SH3BP4: variants seen among roughly 807,000 people sequenced by gnomAD.
SH3BP4 encodes the protein SH3 domain binding protein 4.
Under a neutral mutation model 65.5 loss-of-function variants are expected in SH3BP4, and 33 were observed. That is an observed-to-expected ratio of 0.50 (90% CI 0.38 to 0.67). The LOEUF (loss-of-function observed/expected upper bound fraction) is 0.67, where lower values mean the gene tolerates loss of function less well. Among genes scored for constraint, SH3BP4 ranks in the 30% least tolerant of loss-of-function variants. SH3BP4 has a pLI of 0.00. For missense variants in SH3BP4, 1,134 were observed against 1,261.4 expected (o/e 0.90, Z 1.53); for synonymous variants, 552 against 545.5 (o/e 1.01, Z -0.17).
At chr2:234,989,427 T>C (rs369411027) in intron 1 of SH3BP4, among the ~76,000 whole-genome samples, 1 of 152,246 alleles carries the variant, frequency 6.6e-6, no homozygotes, top group East Asian at 1.9e-4. Flanking sequence ...CTAGCTGGTC[T>C]CTTGGCAAAC....
intron 4 of SH3BP4, among the ~76,000 whole-genome samples, chr2:235,044,379 C>T (rs958327997): frequency 6.6e-6 from 1 of 152,268 alleles, no homozygotes; most frequent in Non-Finnish European, 1.5e-5. Context: ...GTCAGCAGAG[C>T]TGGGTCCTGG....
intron 4 of SH3BP4, among the ~76,000 whole-genome samples, chr2:235,049,231 G>T (rs1464070125): frequency 6.6e-6 from 1 of 152,184 alleles, no homozygotes; most frequent in African/African-American, 2.4e-5. Flanking sequence ...CTTCCCAGGG[G>T]CCAGAGAACA....
chr2:235,049,026 T>C (rs575586616), intron 4 of SH3BP4, among the ~76,000 whole-genome samples: 128 of 152,356 alleles, frequency 8.4e-4, no homozygotes, highest in African/African-American at 2.9e-3. Flanking sequence ...TTTAAAAATA[T>C]GCATCAGTTA....
chr2:235,024,292 C>G lies in SH3BP4; in HGVS notation c.-132-10579C>G, dbSNP rs73126103. On this transcript the variant is annotated intron_variant, in intron 2 of 5. Coordinates refer to ENST00000392011, the MANE Select transcript of SH3BP4 (RefSeq NM_014521.3). ...AAAGTCATCTCTCCTAAGCGACGCC[C>G]TGAGGGCCCATCCACAGTTTGCATG... Among the ~76,000 whole-genome samples, 486 of 152,340 alleles carry G rather than the reference C, an allele frequency of 3.2e-3. 1 individual carries two copies. Among genetic ancestry groups the G allele is most frequent in the Middle Eastern group, 0.02 (6 of 294 alleles).
intron 5 of SH3BP4, among the ~76,000 whole-genome samples, chr2:235,053,368 T>C (rs1350039857): frequency 6.6e-6 from 1 of 152,228 alleles, no homozygotes; most frequent in South Asian, 2.1e-4. Flanking sequence ...ATTCATTTGT[T>C]GCGCACCTAC....
rs531483080 is a variant in SH3BP4 at position 234,988,062 on chromosome 2, A to T, written c.-206-7241A>T. ...TTTAATGTCATTTAGCTTGCCAGCC[A>T]CATTTTTTTTTCTTTGAGTCAGAGT... is the stretch of plus-strand genomic sequence containing the variant. On this transcript the variant is annotated intron_variant, in intron 1 of 5. Coordinates refer to ENST00000392011, the MANE Select transcript of SH3BP4 (RefSeq NM_014521.3). Among the ~76,000 whole-genome samples, 137 of 152,116 alleles carry T rather than the reference A, an allele frequency of 9.0e-4. 1 individual carries two copies. Among genetic ancestry groups the T allele is most frequent in the Middle Eastern group, 3.4e-3 (1 of 294 alleles).
chr2:235,039,489 AAAAAG>A (rs928880288), intron 3 of SH3BP4, among the ~76,000 whole-genome samples: 35 of 152,150 alleles, frequency 2.3e-4, no homozygotes, highest in East Asian at 9.7e-4. Context: ...CTTAAAAAAA[AAAAAG>A]AAAGAAAGAA....
At position 235,035,998 on chromosome 2, in the gene SH3BP4, A is replaced by G. The variant is rs1428365926; in HGVS notation, c.118+878A>G. On this transcript the variant is annotated intron_variant, in intron 3 of 5. Transcript: ENST00000392011. This position sits in a 1 kb window ranked among gnomAD's most constrained non-coding sequence, Gnocchi z 5.0. ...GCTGAAAAGTAGGAACTTGACTTTG[A>G]CCATTTGTATCCTCGGCCCCAGCCT... 6.6e-6 allele frequency among the ~76,000 whole-genome samples: 1 copy of G among 152,186 alleles called. No individual in the cohort carries two copies. Among genetic ancestry groups the G allele is most frequent in the Admixed American group, 6.5e-5 (1 of 15,278 alleles).
chr2:235,039,390 C>A (rs529932448), intron 3 of SH3BP4, among the ~76,000 whole-genome samples: 2 of 151,618 alleles, frequency 1.3e-5, no homozygotes, highest in South Asian at 4.2e-4. Context: ...TGATAGAATA[C>A]GATGACTGTG....
chr2:234,987,591 C>G (rs1559233511), intron 1 of SH3BP4, among the ~76,000 whole-genome samples: 1 of 152,110 alleles, frequency 6.6e-6, no homozygotes, highest in Non-Finnish European at 1.5e-5. Flanking sequence ...TCATGGTGTC[C>G]CCCCACTTAT....
intron 2 of SH3BP4, among the ~76,000 whole-genome samples, chr2:234,996,601 T>C (rs1693926017): frequency 6.6e-6 from 1 of 152,224 alleles, no homozygotes; most frequent in Non-Finnish European, 1.5e-5. Context: ...GTGCAGCCCC[T>C]GGCCCTGGAG....
chr2:235,000,304 C>T (rs912009649), intron 2 of SH3BP4, among the ~76,000 whole-genome samples: 25 of 152,308 alleles, frequency 1.6e-4, no homozygotes, highest in Admixed American at 7.2e-4. Context: ...TTATGGAGGG[C>T]CCCCGAGCCT....
At chr2:234,989,043 A>G (rs1693671754) in intron 1 of SH3BP4, among the ~76,000 whole-genome samples, 1 of 152,114 alleles carries the variant, frequency 6.6e-6, no homozygotes, top group Admixed American at 6.5e-5. Flanking sequence ...GTTGATTTTG[A>G]TAGCATGAAG....
rs754479794 is a variant in SH3BP4 at position 235,052,656 on chromosome 2, G to A, written c.2573G>A (p.Arg858Gln). The change falls in exon 5 of 6, where the codon CGG (arginine) becomes CAG (glutamine). Residue 858 changes from arginine to glutamine, a missense_variant. Physicochemically the swap from Arg to Gln is conservative, Grantham distance 43 (BLOSUM62 1). Transcript: ENST00000392011. The surrounding 1 kb of genome is among the most constrained non-coding windows in gnomAD (Gnocchi z 5.0). ...TTAVEVAQRW[R>Q]ELAEKLAKVS... ...GCTGTAGAGGTGGCCCAGCGCTGGC[G>A]GGAGCTGGCTGAGAAGCTGGCCAAG... 1.7e-5 allele frequency: 27 copies of A among 1,591,400 alleles called. No individual in the cohort carries two copies. Among genetic ancestry groups the A allele is most frequent in the East Asian group, 4.6e-5 (2 of 43,322 alleles).
intron 2 of SH3BP4, among the ~76,000 whole-genome samples, chr2:235,009,813 T>C (rs993180679): frequency 1.3e-5 from 2 of 152,102 alleles, no homozygotes; most frequent in Non-Finnish European, 2.9e-5. Context: ...TACCTTCCTT[T>C]TTCTCCATGC....
chr2:234,977,432 C>T lies in SH3BP4; in HGVS notation c.-206-17871C>T, dbSNP rs1024683661. Among the ~76,000 whole-genome samples, 1 of 152,214 alleles carries T rather than the reference C, an allele frequency of 6.6e-6. No individual in the cohort carries two copies. Among genetic ancestry groups the T allele is most frequent in the Admixed American group, 6.5e-5 (1 of 15,284 alleles). On this transcript the variant is annotated intron_variant, in intron 1 of 5. Transcript: ENST00000392011. The surrounding 1 kb of genome is among the most constrained non-coding windows in gnomAD (Gnocchi z 5.1). ...AGCCACCCTCCTGGCCAGTGAGGAG[C>T]TTCTAAACACGGAGGCAGATCAGCT...
At chr2:235,038,265 T>TA (rs1695461808) in intron 3 of SH3BP4, among the ~76,000 whole-genome samples, 1 of 41,240 alleles carries the variant, frequency 2.4e-5, no homozygotes, top group African/African-American at 1.1e-4. Context: ...ATAATATATA[T>TA]TATATATAAT....
intron 5 of SH3BP4, 87 bp from the exon 6 acceptor site, chr2:235,053,505 C>T: frequency 2.0e-6 from 2 of 980,702 alleles, no homozygotes; most frequent in Non-Finnish European, 3.1e-6. Context: ...ACTGAAGCTG[C>T]ACCAAGTAAT....
Position 234,977,954 on chromosome 2 carries a change from T to G in SH3BP4, c.-206-17349T>G, listed in dbSNP as rs1052341802. ...CTTGGATGGTCTGTTTCTATTTTAT[T>G]TTATTTTTTACTTTTTTTGAGACAG... is the stretch of plus-strand genomic sequence containing the variant. On this transcript the variant is annotated intron_variant, in intron 1 of 5. Transcript: ENST00000392011. The surrounding 1 kb of genome is among the most constrained non-coding windows in gnomAD (Gnocchi z 5.1). 6.6e-6 allele frequency among the ~76,000 whole-genome samples: 1 copy of G among 152,174 alleles called. No individual in the cohort carries two copies. The highest frequency in any genetic ancestry group is 2.4e-5 in the African/African-American group (1 of 41,452).
Sources: gnomAD v4.1 joint callset for allele counts (sites outside exome capture counted in the v4.1 genomes callset) on GRCh38, gnomAD v4.1.1 for gene constraint, Gnocchi (gnomAD v3.1) non-coding constraint, MANE v1.5 for transcripts, NCBI Gene and HGNC (gene_info 2026-07-23, HGNC 2026-07-21) for gene names.